The following GRID1 variants were observed in gnomAD, a reference collection of about 807,000 sequenced individuals.
The protein encoded by GRID1 is glutamate ionotropic receptor delta type subunit 1.
A neutral mutation model predicts 98.0 loss-of-function variants in GRID1; 28 were observed. That is an observed-to-expected ratio of 0.29 (90% CI 0.21 to 0.39). The LOEUF (loss-of-function observed/expected upper bound fraction) is 0.39, where lower values mean the gene tolerates loss of function less well. Ranked by LOEUF, GRID1 falls within the 10% of genes least tolerant of loss-of-function variation. GRID1 has a pLI of 1.00. For synonymous variants in GRID1, 553 were observed against 538.5 expected (o/e 1.03, Z -0.37); for missense variants, 1,111 against 1,340.5 (o/e 0.83, Z 2.67).
chr10:85,842,732 G>C (rs1842972127), intron 8 of GRID1, among the ~76,000 whole-genome samples: 1 of 152,000 alleles, frequency 6.6e-6, no homozygotes, highest in East Asian at 1.9e-4. Context: ...ATAACCGTTA[G>C]AGAAATTTAA....
intron 2 of GRID1, among the ~76,000 whole-genome samples, chr10:86,323,367 C>T (rs1458645010): frequency 6.6e-6 from 1 of 152,238 alleles, no homozygotes; most frequent in Non-Finnish European, 1.5e-5. Flanking sequence ...GTGCAGAGCA[C>T]ACACTGTATT....
chr10:86,350,128 T>C (rs1848442288), intron 2 of GRID1, among the ~76,000 whole-genome samples: 1 of 152,016 alleles, frequency 6.6e-6, no homozygotes, highest in Non-Finnish European at 1.5e-5. Flanking sequence ...ATGCTTGGGT[T>C]GTTGGAGAGA....
chr10:85,653,475 C>G (rs897926456), intron 12 of GRID1, among the ~76,000 whole-genome samples: 2 of 152,104 alleles, frequency 1.3e-5, no homozygotes, highest in African/African-American at 4.8e-5. Context: ...ACAGGGTGGC[C>G]AAGGAGCCAG....
chr10:86,331,084 T>C (rs546163745), intron 2 of GRID1, among the ~76,000 whole-genome samples: 2 of 152,200 alleles, frequency 1.3e-5, no homozygotes, highest in Admixed American at 6.5e-5. Context: ...GTGGCAGGGA[T>C]GGCACATGCA....
At chr10:85,876,496 T>C (rs1308415504) in intron 5 of GRID1, among the ~76,000 whole-genome samples, 3 of 152,290 alleles carry the variant, frequency 2.0e-5, no homozygotes, top group African/African-American at 7.2e-5. Flanking sequence ...ATCATTAACT[T>C]CATCATATCT....
intron 8 of GRID1, among the ~76,000 whole-genome samples, chr10:85,769,408 G>A (rs1333526669): frequency 6.6e-6 from 1 of 152,216 alleles, no homozygotes; most frequent in African/African-American, 2.4e-5. Flanking sequence ...ACAGAAGACG[G>A]GTGATTTCTG....
intron 2 of GRID1, among the ~76,000 whole-genome samples, chr10:86,346,298 CA>C (rs1387412491): frequency 6.6e-5 from 10 of 152,250 alleles, no homozygotes; most frequent in African/African-American, 2.4e-4. Flanking sequence ...CTGCTTTCTC[CA>C]GCTGAAATTA....
intron 4 of GRID1, among the ~76,000 whole-genome samples, chr10:86,070,977 C>A (rs2131921015): frequency 6.6e-6 from 1 of 152,324 alleles, no homozygotes; most frequent in African/African-American, 2.4e-5. Context: ...CAATCCTGCA[C>A]CTCACCCTGA....
chr10:86,069,435 T>C (rs955704747), intron 4 of GRID1, among the ~76,000 whole-genome samples: 20 of 151,938 alleles, frequency 1.3e-4, no homozygotes, highest in African/African-American at 4.6e-4. Flanking sequence ...GATCATGAGG[T>C]CAGGAGATCG....
At chr10:85,686,485 A>G (rs1841270451) in intron 12 of GRID1, among the ~76,000 whole-genome samples, 1 of 152,212 alleles carries the variant, frequency 6.6e-6, no homozygotes, top group African/African-American at 2.4e-5. Flanking sequence ...ATATGGTTGT[A>G]TAGTTAAAAT....
intron 4 of GRID1, among the ~76,000 whole-genome samples, chr10:85,966,381 G>T (rs1192369019): frequency 6.6e-6 from 1 of 152,136 alleles, no homozygotes; most frequent in Admixed American, 6.5e-5. Context: ...CTTACCTCTG[G>T]CTGGCCTTGA....
At chr10:86,075,968 T>C (rs1843875761) in intron 4 of GRID1, among the ~76,000 whole-genome samples, 1 of 152,190 alleles carries the variant, frequency 6.6e-6, no homozygotes, top group African/African-American at 2.4e-5. Context: ...CATGCTGGTA[T>C]CCCCAGCTCA....
chr10:85,913,349 G>T (rs534563669), intron 5 of GRID1, among the ~76,000 whole-genome samples: 1 of 152,348 alleles, frequency 6.6e-6, no homozygotes, highest in South Asian at 2.1e-4. Context: ...ATAGCTGCAT[G>T]ACCTTGAACA....
Position 85,771,080 on chromosome 10 carries a change from G to A in GRID1, c.1234-41466C>T, listed in dbSNP as rs1439806804. Among the ~76,000 whole-genome samples, 5 of 152,208 alleles carry A rather than the reference G, an allele frequency of 3.3e-5. No individual in the cohort carries two copies. In the South Asian group the frequency reaches 6.2e-4, roughly 19 times the overall value. ...TTAAGGGCAGCCAGAGAGAAAGGTC[G>A]GGTTACCCACAAAGGGAAGCCCATC... On this transcript the variant is annotated intron_variant, in intron 8 of 15. Transcript: ENST00000327946.
At chr10:85,961,243 C>T (rs901010501) in intron 4 of GRID1, among the ~76,000 whole-genome samples, 5 of 152,156 alleles carry the variant, frequency 3.3e-5, no homozygotes, top group Non-Finnish European at 5.9e-5. Flanking sequence ...AATTATCATG[C>T]GGCACTGGGT....
At chr10:85,926,964 A>C (rs2131830245) in intron 4 of GRID1, among the ~76,000 whole-genome samples, 1 of 152,338 alleles carries the variant, frequency 6.6e-6, no homozygotes, top group South Asian at 2.1e-4. Flanking sequence ...AACCTTTATC[A>C]ATCACTATTT....
At position 86,242,101 on chromosome 10, in the gene GRID1, G is replaced by C. The variant is rs73349981; in HGVS notation, c.236-35453C>G. On this transcript the variant is annotated intron_variant, in intron 2 of 15. Transcript: ENST00000327946. ...TACTATGTGCCAAGCCCCGTGCTAG[G>C]TTCTGGCAACACAGTGGAACCTCAT... is the stretch of plus-strand genomic sequence containing the variant. Among the ~76,000 whole-genome samples the C allele has an allele frequency of 7.6e-3, 1,156 of 152,320 alleles. 15 individuals carry two copies. The highest frequency in any genetic ancestry group is 0.027 in the African/African-American group (1,119 of 41,574).
chr10:85,636,600 A>C (rs11201708), intron 13 of GRID1, among the ~76,000 whole-genome samples: 44,763 of 152,118 alleles, frequency 0.29, 6,907 homozygotes, highest in Middle Eastern at 0.43. Flanking sequence ...AAATAAAGCA[A>C]AAATACATGC....
intron 8 of GRID1, among the ~76,000 whole-genome samples, chr10:85,775,082 T>C (rs1842315921): frequency 6.6e-6 from 1 of 152,064 alleles, no homozygotes; most frequent in African/African-American, 2.4e-5. Context: ...AACCCAAATG[T>C]CCATCAATGA....
Sources: allele counts gnomAD v4.1 joint callset (sites outside exome capture counted in the v4.1 genomes callset), GRCh38; gene constraint gnomAD v4.1.1; transcripts MANE v1.5; gene names NCBI Gene and HGNC (gene_info 2026-07-23, HGNC 2026-07-21).